The following NSMCE2 variants were observed in gnomAD, a reference collection of about 807,000 sequenced individuals.
NSMCE2 encodes NSE2 SUMO ligase component of SMC5/6 complex.
In NSMCE2, 24 loss-of-function variants were observed where a neutral mutation model predicts 23.8. The observed-to-expected ratio is 1.01, with a 90% confidence interval of 0.73 to 1.42. The LOEUF (loss-of-function observed/expected upper bound fraction) is 1.42, where lower values mean the gene tolerates loss of function less well. NSMCE2 is among the 40% of genes most tolerant of loss of function. The pLI, the probability that NSMCE2 is intolerant of heterozygous loss-of-function variation, is 0.00. For missense variants in NSMCE2, 284 were observed against 296.5 expected, an observed-to-expected ratio of 0.96 and a Z score of 0.31; for synonymous variants, 92 against 94.1, an observed-to-expected ratio of 0.98 and a Z score of 0.13.
intron 5 of NSMCE2, among the ~76,000 whole-genome samples, chr8:125,186,143 A>G (rs1469499393): frequency 6.6e-6 from 1 of 152,198 alleles, no homozygotes; most frequent in African/African-American, 2.4e-5. Flanking sequence ...AAAGGGGAGT[A>G]ATATTTGGTG....
intron 3 of NSMCE2, among the ~76,000 whole-genome samples, chr8:125,117,494 G>A (rs756373773): frequency 1.3e-5 from 2 of 152,052 alleles, no homozygotes; most frequent in South Asian, 2.1e-4. Context: ...CAGTTAATGC[G>A]TTTTCTTTGT....
At chr8:125,213,623 TTC>T (rs971468237) in intron 5 of NSMCE2, among the ~76,000 whole-genome samples, 3 of 148,068 alleles carry the variant, frequency 2.0e-5, no homozygotes, top group African/African-American at 7.5e-5. Flanking sequence ...TTCTCTTATT[TTC>T]TCTTTCTCTT....
chr8:125,238,480 A>G (rs879260738), intron 5 of NSMCE2, among the ~76,000 whole-genome samples: 4 of 152,244 alleles, frequency 2.6e-5, no homozygotes, highest in Admixed American at 6.5e-5. Flanking sequence ...GGGCAAATCC[A>G]TTATAACTCT....
chr8:125,309,595 C>T (rs1828901263), intron 5 of NSMCE2, among the ~76,000 whole-genome samples: 1 of 152,058 alleles, frequency 6.6e-6, no homozygotes, highest in Admixed American at 6.6e-5. Context: ...CGTGGTGGCA[C>T]ATGCTTGCAG....
chr8:125,291,380 G>T (rs979004171), intron 5 of NSMCE2, among the ~76,000 whole-genome samples: 1 of 152,190 alleles, frequency 6.6e-6, no homozygotes, highest in Non-Finnish European at 1.5e-5. Flanking sequence ...AATGTTTGCT[G>T]ATATCTTTTC....
chr8:125,314,740 T>C (rs1222587948), intron 5 of NSMCE2, among the ~76,000 whole-genome samples: 1 of 152,202 alleles, frequency 6.6e-6, no homozygotes, highest in African/African-American at 2.4e-5. Flanking sequence ...GTGTAGGGAC[T>C]TGCAGGCTTT....
chr8:125,287,981 T>C (rs1212450082), intron 5 of NSMCE2, among the ~76,000 whole-genome samples: 1 of 152,142 alleles, frequency 6.6e-6, no homozygotes, highest in Non-Finnish European at 1.5e-5. Context: ...TAAATATAAC[T>C]TTTTAGGATT....
At chr8:125,129,199 C>T (rs1008144443) in intron 3 of NSMCE2, among the ~76,000 whole-genome samples, 12 of 151,990 alleles carry the variant, frequency 7.9e-5, no homozygotes, top group African/African-American at 2.9e-4. Context: ...CAAGAAGGCC[C>T]GGGCCAGTGT....
In NSMCE2 at chr8:125,286,382, G is replaced by A. The variant is rs140345661; in HGVS notation, c.419-70837G>A. 4.8e-3 allele frequency among the ~76,000 whole-genome samples: 715 copies of A among 149,862 alleles called. 6 individuals are homozygous for A. Among genetic ancestry groups the A allele is most frequent in the African/African-American group, 0.016 (628 of 40,066 alleles). On this transcript the variant is annotated intron_variant, in intron 5 of 7. Coordinates refer to ENST00000287437, the MANE Select transcript of NSMCE2 (RefSeq NM_173685.4). ...GGCTGGAGTGCAATGGTGCAGTCTCGGCTCACTGCAACCTCCGCCTCCTGG... is the reference window on the plus strand; with the variant it reads ...GGCTGGAGTGCAATGGTGCAGTCTCAGCTCACTGCAACCTCCGCCTCCTGG...
At chr8:125,286,472 C>T (rs529935029) in intron 5 of NSMCE2, among the ~76,000 whole-genome samples, 29 of 151,972 alleles carry the variant, frequency 1.9e-4, no homozygotes, top group African/African-American at 6.5e-4. Context: ...ACCACCATGA[C>T]GGCTAATTTT....
At chr8:125,157,184 G>A (rs1285845416) in intron 4 of NSMCE2, among the ~76,000 whole-genome samples, 1 of 152,150 alleles carries the variant, frequency 6.6e-6, no homozygotes, top group Non-Finnish European at 1.5e-5. Flanking sequence ...AGATTCCTGA[G>A]CATGAGATAA....
chr8:125,352,184 G>A (rs1813063434), intron 5 of NSMCE2, among the ~76,000 whole-genome samples: 1 of 151,842 alleles, frequency 6.6e-6, no homozygotes, highest in Admixed American at 6.6e-5. Context: ...TATTATCAAT[G>A]AAATAACAAT....
intron 4 of NSMCE2, among the ~76,000 whole-genome samples, chr8:125,175,603 A>G (rs1479366044): frequency 6.6e-6 from 1 of 152,174 alleles, no homozygotes; most frequent in African/African-American, 2.4e-5. Flanking sequence ...AGGAATGACT[A>G]ATTTTATACT....
chr8:125,366,234 T>C (rs1195746137), intron 7 of NSMCE2, among the ~76,000 whole-genome samples: 2 of 152,296 alleles, frequency 1.3e-5, no homozygotes, highest in Non-Finnish European at 2.9e-5. Flanking sequence ...GTTGCCTGTC[T>C]TCCTCATTAG....
Position 125,285,646 on chromosome 8 carries a change from G to C in NSMCE2, c.419-71573G>C, listed in dbSNP as rs147251238. On this transcript the variant is annotated intron_variant, in intron 5 of 7. Coordinates refer to ENST00000287437, the MANE Select transcript of NSMCE2 (RefSeq NM_173685.4). Reference sequence around the variant, plus strand: ...ACATAGTAAGTATCAATAAATAACAGCAACATGTGAAGACAGTACAAGAAT... The same window carrying C: ...ACATAGTAAGTATCAATAAATAACACCAACATGTGAAGACAGTACAAGAAT... 3.3e-5 allele frequency among the ~76,000 whole-genome samples: 5 copies of C among 152,098 alleles called. No homozygotes were observed. In the East Asian group the frequency reaches 9.7e-4, roughly 29 times the overall value.
intron 5 of NSMCE2, among the ~76,000 whole-genome samples, chr8:125,316,763 CCTTCCT>C: frequency 2.8e-5 from 4 of 144,664 alleles, no homozygotes; most frequent in African/African-American, 7.9e-5. Flanking sequence ...TTCCTTCCTT[CCTTCCT>C]TCTCTCTCTC....
chr8:125,274,383 T>A (rs1372164126), intron 5 of NSMCE2, among the ~76,000 whole-genome samples: 19 of 152,096 alleles, frequency 1.2e-4, no homozygotes, highest in African/African-American at 4.6e-4. Context: ...CCTCAGTGAT[T>A]TTTTTTTAGT....
At chr8:125,168,567 G>A (rs896398749) in intron 4 of NSMCE2, among the ~76,000 whole-genome samples, 2 of 152,192 alleles carry the variant, frequency 1.3e-5, no homozygotes, top group Non-Finnish European at 2.9e-5. Flanking sequence ...CTGGTTCTTA[G>A]TGGCACCTTC....
intron 5 of NSMCE2, among the ~76,000 whole-genome samples, chr8:125,247,463 G>A (rs987117562): frequency 3.0e-4 from 45 of 152,196 alleles, no homozygotes; most frequent in Admixed American, 9.1e-4. Flanking sequence ...TTTGGCTCAC[G>A]CCTATAATCC....
Sources: gnomAD v4.1 joint callset for allele counts (sites outside exome capture counted in the v4.1 genomes callset) on GRCh38, gnomAD v4.1.1 for gene constraint, MANE v1.5 for transcripts, NCBI Gene and HGNC (gene_info 2026-07-23, HGNC 2026-07-21) for gene names.